PIAS4: variants seen among roughly 807,000 people sequenced by gnomAD.
PIAS4 encodes the protein E3 SUMO-protein ligase PIAS4.
PIAS4 carries 7 observed loss-of-function variants against 58.0 expected under a neutral mutation model. That is an observed-to-expected ratio of 0.12 (90% CI 0.07 to 0.23). The LOEUF (loss-of-function observed/expected upper bound fraction) is 0.23. Among genes scored for constraint, PIAS4 ranks in the 10% least tolerant of loss-of-function variants. PIAS4 has a pLI of 1.00. For synonymous variants in PIAS4, 364 were observed against 312.4 expected, an observed-to-expected ratio of 1.17 and a Z score of -1.74; for missense variants, 550 against 709.5, an observed-to-expected ratio of 0.78 and a Z score of 2.55.
intron 2 of PIAS4, among the ~76,000 whole-genome samples, chr19:4,015,506 G>A (rs536659399): frequency 8.5e-5 from 13 of 152,262 alleles, no homozygotes; most frequent in Admixed American, 3.3e-4. Flanking sequence ...ATCTCAGGCC[G>A]CCAGGTGAAC....
At chr19:4,032,864 C>A (rs906855805) in intron 7 of PIAS4, among the ~76,000 whole-genome samples, 2 of 152,166 alleles carry the variant, frequency 1.3e-5, no homozygotes, top group African/African-American at 4.8e-5. Flanking sequence ...AGGCCACCTC[C>A]GTGTGGGGGC....
At chr19:4,009,596 C>T (rs1322502868) in intron 1 of PIAS4, among the ~76,000 whole-genome samples, 1 of 151,872 alleles carries the variant, frequency 6.6e-6, no homozygotes, top group Non-Finnish European at 1.5e-5. Flanking sequence ...TCAAGTTGAC[C>T]CTTCTTTCAG....
chr19:4,009,024 T>C (rs2039968999), intron 1 of PIAS4, among the ~76,000 whole-genome samples: 1 of 152,154 alleles, frequency 6.6e-6, no homozygotes, highest in Admixed American at 6.5e-5. Context: ...GAGCTCAGAG[T>C]ATCCCCATTC....
At position 4,013,177 on chromosome 19, in the gene PIAS4, C is replaced by T. The variant is rs201473166; in HGVS notation, c.282C>T (p.Gly94=). The T allele has an allele frequency of 3.8e-5, 62 of 1,613,356 alleles. No individual in the cohort carries two copies. Among genetic ancestry groups the T allele is most frequent in the South Asian group, 1.5e-4 (14 of 91,094 alleles). The change falls in exon 2 of 11, where the codon GGC becomes GGT. Residue 94 remains glycine, a synonymous_variant. Transcript: ENST00000262971. This position sits in a 1 kb window ranked among gnomAD's most constrained non-coding sequence, Gnocchi z 5.1. ...TGCACTCCACCTACGACCGGGCCGG[C>T]GCTGTGCCCAGGACTCCGCTGGCAG... ...LTMHSTYDRA[G]AVPRTPLAGP...
intron 2 of PIAS4, among the ~76,000 whole-genome samples, chr19:4,020,800 T>A (rs376157045): frequency 5.3e-5 from 8 of 149,626 alleles, no homozygotes; most frequent in African/African-American, 2.1e-4. Context: ...AAGGTCTCAC[T>A]GTGTTGCCTG....
chr19:4,012,874 T>C, intron 1 of PIAS4, 49 bp from the exon 2 acceptor site: 1 of 1,552,904 alleles, frequency 6.4e-7, no homozygotes, highest in Non-Finnish European at 8.7e-7. Flanking sequence ...TGGAGTCCCC[T>C]GCCTCGCAGC....
At chr19:4,027,558 A>G (rs1049392974) in intron 3 of PIAS4, among the ~76,000 whole-genome samples, 1 of 136,708 alleles carries the variant, frequency 7.3e-6, no homozygotes, top group Non-Finnish European at 1.6e-5. Context: ...CTCAGGTGTT[A>G]CTGGTTTTTG....
chr19:4,018,477 G>A (rs556211887), intron 2 of PIAS4: 2 of 152,096 alleles, frequency 1.3e-5, no homozygotes, highest in South Asian at 2.1e-4. Context: ...GCTGCTTTTC[G>A]TGCCCGGGCC....
At chr19:4,008,795 C>T (rs1001645822) in intron 1 of PIAS4, among the ~76,000 whole-genome samples, 1 of 151,880 alleles carries the variant, frequency 6.6e-6, no homozygotes. Context: ...CCCTACACAG[C>T]CCCCAGAACT....
intron 9 of PIAS4, among the ~76,000 whole-genome samples, chr19:4,034,204 C>T (rs566335829): frequency 9.2e-5 from 14 of 152,318 alleles, no homozygotes; most frequent in Admixed American, 4.6e-4. Context: ...CCAGAGCCGC[C>T]GGCAGGGCGC....
rs1253568481 is a variant in PIAS4 at position 4,038,211 on chromosome 19, C to T, written c.*336C>T. The T allele has an allele frequency of 2.2e-5, 6 of 276,024 alleles. No homozygotes were observed. Among genetic ancestry groups the T allele is most frequent in the African/African-American group, 4.7e-5 (2 of 42,870 alleles). The allele number at this position is 276,024 out of a possible 1,614,324, so 17.1% of individuals were successfully genotyped here. A position where few individuals can be genotyped will look rare whatever the true frequency, so the allele number is the denominator to read the frequency against. ...CGGGAGGGACCAGGACGCCGCCCCG[C>T]GCCCTCCCCTCCGGATGCCCCGCCG... On this transcript the variant is annotated 3_prime_UTR_variant, in exon 11 of 11. Transcript: ENST00000262971. This position sits in a 1 kb window ranked among gnomAD's most constrained non-coding sequence, Gnocchi z 4.1.
At chr19:4,034,181 G>A (rs1017403833) in intron 9 of PIAS4, among the ~76,000 whole-genome samples, 7 of 152,132 alleles carry the variant, frequency 4.6e-5, no homozygotes, top group Admixed American at 6.5e-5. Flanking sequence ...CGCCGACCGC[G>A]CCCACCTCGT....
At chr19:4,027,117 G>T (rs1447231068) in intron 3 of PIAS4, among the ~76,000 whole-genome samples, 1 of 152,076 alleles carries the variant, frequency 6.6e-6, no homozygotes, top group Non-Finnish European at 1.5e-5. Context: ...CTCCCAAAGT[G>T]CTGGGATTAC....
rs75488612 is a variant in PIAS4 at position 4,037,324 on chromosome 19, G to T, written c.1143-50G>T. On this transcript the variant is annotated intron_variant, in intron 9 of 10. Transcript: ENST00000262971. The surrounding 1 kb of genome is among the most constrained non-coding windows in gnomAD (Gnocchi z 5.8). The stretch of plus-strand genomic sequence containing the variant: ...GGAGGGATGGAGGGCTGGGGAGTTG[G>T]GGGGGTGGGGCACCTCCAGCCCCGG... 22 of 1,564,344 alleles carry T rather than the reference G, an allele frequency of 1.4e-5. No individual in the cohort carries two copies. In the Admixed American group the frequency reaches 2.0e-4, roughly 14 times the overall value.
rs568862967 is a variant in PIAS4, at chr19:4,022,226, C to T, written c.455-1810C>T. On this transcript the variant is annotated intron_variant, in intron 2 of 10. Coordinates refer to ENST00000262971, the MANE Select transcript of PIAS4 (RefSeq NM_015897.4). Reference sequence around the variant, plus strand: ...GGCATAAAGTTTCACCTTTTATTCCCCTATTGAACCGAAAAGCTGTAGGGT... The same window carrying T: ...GGCATAAAGTTTCACCTTTTATTCCTCTATTGAACCGAAAAGCTGTAGGGT... Among the ~76,000 whole-genome samples the T allele has an allele frequency of 5.9e-5, 9 of 152,196 alleles. No individual in the cohort carries two copies. The East Asian group carries it at 1.4e-3, about 23-fold the overall frequency.
chr19:4,012,830 C>G, intron 1 of PIAS4, 93 bp from the exon 2 acceptor site: 1 of 1,393,510 alleles, frequency 7.2e-7, no homozygotes. Context: ...GAGTGGGTGT[C>G]TTTCACGGCC....
chr19:4,035,897 ACAGTCCACACCGTCTC>A (rs2040272665), intron 9 of PIAS4, among the ~76,000 whole-genome samples: 1 of 103,978 alleles, frequency 9.6e-6, no homozygotes, highest in African/African-American at 3.4e-5. Flanking sequence ...ACACATCCAT[ACAGTCCACACCGTCTC>A]ACACACACAC....
Position 4,022,918 on chromosome 19 carries a change from T to C in PIAS4, c.455-1118T>C, listed in dbSNP as rs1203532030. 5.3e-5 allele frequency among the ~76,000 whole-genome samples: 8 copies of C among 151,744 alleles called. No homozygotes were observed. In the South Asian group the frequency reaches 1.3e-3, roughly 24 times the overall value. On this transcript the variant is annotated intron_variant, in intron 2 of 10. Transcript: ENST00000262971. ...CAGGCGCCGTAGCTCATGCCTGTAA[T>C]TCCAGCACATTGGGAGGCCGAGGTG...
chr19:4,009,039 G>A (rs1057192135), intron 1 of PIAS4, among the ~76,000 whole-genome samples: 3 of 152,066 alleles, frequency 2.0e-5, no homozygotes, highest in Non-Finnish European at 4.4e-5. Flanking sequence ...CCATTCCAGG[G>A]GATGTACCTT....
Sources: gnomAD v4.1 joint callset for allele counts (sites outside exome capture counted in the v4.1 genomes callset) on GRCh38, gnomAD v4.1.1 for gene constraint, Gnocchi (gnomAD v3.1) non-coding constraint, MANE v1.5 for transcripts, NCBI Gene and HGNC (gene_info 2026-07-23, HGNC 2026-07-21) for gene names.